WASHC2C: variants seen among roughly 807,000 people sequenced by gnomAD.
WASHC2C encodes the protein WASH complex subunit 2C, also known as Vaccinia Penetration Factor.
Under a neutral mutation model 142.2 loss-of-function variants are expected in WASHC2C, and 73 were observed. The observed-to-expected ratio is 0.51, with a 90% CI of 0.43 to 0.62. The LOEUF (loss-of-function observed/expected upper bound fraction) is 0.62. Among genes scored for constraint, WASHC2C ranks in the 20% least tolerant of loss-of-function variants. The probability of loss-of-function intolerance (pLI) is 0.00; values close to 1 mark genes in which losing one functional copy is unlikely to be tolerated. For synonymous variants in WASHC2C, 337 were observed against 565.5 expected, an observed-to-expected ratio of 0.60 and a Z score of 5.73; for missense variants, 969 against 1,531.7, an observed-to-expected ratio of 0.63 and a Z score of 6.13.
At chr10:45,788,382 A>T (rs1182645882) in intron 28 of WASHC2C, among the ~76,000 whole-genome samples, 1 of 152,244 alleles carries the variant, frequency 6.6e-6, no homozygotes, top group Non-Finnish European at 1.5e-5. Flanking sequence ...AGCACCTTAG[A>T]TTACCTCTCT....
At chr10:45,758,514 C>G (rs2054611239) in intron 16 of WASHC2C, among the ~76,000 whole-genome samples, 1 of 151,842 alleles carries the variant, frequency 6.6e-6, no homozygotes, top group Non-Finnish European at 1.5e-5. Flanking sequence ...AAAGTTCTTT[C>G]TCTCCCCCTC....
chr10:45,747,424 G>A (rs577158697), intron 8 of WASHC2C, among the ~76,000 whole-genome samples: 3 of 152,052 alleles, frequency 2.0e-5, no homozygotes, highest in Non-Finnish European at 4.4e-5. Context: ...GATTACAGGC[G>A]TGAGCCACCA....
chr10:45,736,405 C>CAAA (rs71520974), intron 3 of WASHC2C, among the ~76,000 whole-genome samples: 623 of 24,534 alleles, frequency 0.025, 46 homozygotes, highest in Middle Eastern at 0.083. Context: ...GACTCCATCT[C>CAAA]AAAAAAAAAA....
At chr10:45,765,973 A>G (rs1217838343) in intron 19 of WASHC2C, among the ~76,000 whole-genome samples, 163 bp downstream of exon 19, 3 of 152,226 alleles carry the variant, frequency 2.0e-5, no homozygotes, top group African/African-American at 4.8e-5. Context: ...TTAATGTAAT[A>G]TATTAATTTA....
chr10:45,730,142 C>T (rs1288766501), intron 3 of WASHC2C, among the ~76,000 whole-genome samples: 1 of 133,310 alleles, frequency 7.5e-6, no homozygotes, highest in Non-Finnish European at 1.6e-5. Context: ...GTTGGGAGTT[C>T]GAGACCAGCC....
At chr10:45,769,179 A>G (rs1430693044) in intron 19 of WASHC2C, among the ~76,000 whole-genome samples, 12 of 152,002 alleles carry the variant, frequency 7.9e-5, no homozygotes, top group Admixed American at 1.3e-4. Context: ...GTGCAGTGGC[A>G]CGATCTCCGT....
At chr10:45,749,857 T>TATATATATATTTATATTTA (rs2053367253) in intron 8 of WASHC2C, among the ~76,000 whole-genome samples, 7 of 88,814 alleles carry the variant, frequency 7.9e-5, no homozygotes, top group Middle Eastern at 5.2e-3. Context: ...ATATATATAT[T>TATATATATATTTATATTTA]TATATATATA....
Position 45,746,661 on chromosome 10 carries a change from A to C in WASHC2C, c.732+14A>C, listed in dbSNP as rs2052873264. 1 of 1,612,936 alleles carries C rather than the reference A, an allele frequency of 6.2e-7. No individual in the cohort carries two copies. Among genetic ancestry groups the C allele is most frequent in the Non-Finnish European group, 8.5e-7 (1 of 1,179,198 alleles). On this transcript the variant is annotated intron_variant, in intron 8 of 30. Coordinates refer to ENST00000623400, the MANE Select transcript of WASHC2C (RefSeq NM_001330074.2). ...GAACAAAACCAGGTAAGGCTCATAT[A>C]TTGAAATGACTTTGTTTTTACATTT...
intron 3 of WASHC2C, among the ~76,000 whole-genome samples, chr10:45,732,050 C>A (rs1377007787): frequency 2.0e-5 from 3 of 152,102 alleles, no homozygotes; most frequent in Non-Finnish European, 4.4e-5. Context: ...CCCGCCTTGG[C>A]CTCCCAAAGT....
At chr10:45,760,791 A>T in intron 17 of WASHC2C, among the ~76,000 whole-genome samples, 1 of 140,148 alleles carries the variant, frequency 7.1e-6, no homozygotes, top group Admixed American at 7.4e-5. Context: ...TTCACTGTTT[A>T]CCACAGCACG....
chr10:45,784,937 G>C (rs782640673), intron 25 of WASHC2C, 36 bp downstream of exon 25: 27 of 1,609,542 alleles, frequency 1.7e-5, no homozygotes, highest in Non-Finnish European at 2.2e-5. Context: ...GGGTTGTGTG[G>C]GAAAGATTCT....
At chr10:45,761,758 T>C (rs2135089198) in intron 17 of WASHC2C, among the ~76,000 whole-genome samples, 1 of 152,318 alleles carries the variant, frequency 6.6e-6, no homozygotes, top group East Asian at 1.9e-4. Context: ...TCCGAAACTG[T>C]GATGTTGACA....
At chr10:45,775,658 C>T (rs1589878534) in intron 21 of WASHC2C, among the ~76,000 whole-genome samples, 1 of 151,468 alleles carries the variant, frequency 6.6e-6, no homozygotes, top group African/African-American at 2.4e-5. Flanking sequence ...TTTTTGTCTC[C>T]CCTATCAACT....
At chr10:45,788,347 C>CA (rs1402960178) in intron 28 of WASHC2C, among the ~76,000 whole-genome samples, 2 of 152,220 alleles carry the variant, frequency 1.3e-5, no homozygotes, top group East Asian at 3.8e-4. Flanking sequence ...CATTTGAATT[C>CA]AATGTTTATT....
At chr10:45,781,013 C>T (rs1287823808) in intron 23 of WASHC2C, among the ~76,000 whole-genome samples, 3 of 151,474 alleles carry the variant, frequency 2.0e-5, no homozygotes, top group South Asian at 2.1e-4. Flanking sequence ...CTTAGCCTCC[C>T]GAAGTGCTGG....
chr10:45,735,683 C>T (rs868961911), intron 3 of WASHC2C, among the ~76,000 whole-genome samples: 2 of 152,110 alleles, frequency 1.3e-5, no homozygotes, highest in Non-Finnish European at 2.9e-5. Flanking sequence ...CTGATGTTTG[C>T]GTTTATGATA....
intron 28 of WASHC2C, among the ~76,000 whole-genome samples, chr10:45,788,035 T>G (rs1407551680): frequency 6.6e-6 from 1 of 152,234 alleles, no homozygotes; most frequent in Non-Finnish European, 1.5e-5. Flanking sequence ...ACAAATAGAT[T>G]CATTTCAAAT....
At chr10:45,761,971 T>C (rs2055151701) in intron 17 of WASHC2C, among the ~76,000 whole-genome samples, 2 of 151,496 alleles carry the variant, frequency 1.3e-5, no homozygotes, top group Admixed American at 1.3e-4. Context: ...GTGAACTCAT[T>C]AGGTCTATAT....
chr10:45,770,142 G>C (rs1224606278), intron 20 of WASHC2C, among the ~76,000 whole-genome samples: 2 of 151,316 alleles, frequency 1.3e-5, no homozygotes, highest in Non-Finnish European at 2.9e-5. Flanking sequence ...TTGGGAGGCT[G>C]AGGCAGAAGA....
Sources: gnomAD v4.1 joint callset for allele counts (sites outside exome capture counted in the v4.1 genomes callset) on GRCh38, gnomAD v4.1.1 for gene constraint, MANE v1.5 for transcripts, NCBI Gene and HGNC (gene_info 2026-07-23, HGNC 2026-07-21) for gene names.